Variants in TRIM28 observed in about 807,000 individuals in gnomAD.
TRIM28 encodes tripartite motif containing 28.
A neutral mutation model predicts 87.4 loss-of-function variants in TRIM28; 8 were observed. The observed-to-expected ratio is 0.09, with a 90% CI of 0.05 to 0.17. The LOEUF (loss-of-function observed/expected upper bound fraction) is 0.17, where lower values mean the gene tolerates loss of function less well. TRIM28 is among the 10% of genes least tolerant of loss of function. TRIM28 has a pLI of 1.00. For synonymous variants in TRIM28, 601 were observed against 454.3 expected, an observed-to-expected ratio of 1.32 and a Z score of -4.11; for missense variants, 968 against 1,131.8, an observed-to-expected ratio of 0.86 and a Z score of 2.08.
At chr19:58,546,838 C>T (rs954571273) in intron 3 of TRIM28, among the ~76,000 whole-genome samples, 9 of 152,116 alleles carry the variant, frequency 5.9e-5, no homozygotes, top group South Asian at 2.1e-4. Context: ...GTGTGACCAC[C>T]ATTCTGAGGG....
Position 58,548,603 on chromosome 19 carries a change from G to GA in TRIM28, c.1323+12dup. The GA allele has an allele frequency of 6.2e-7, 1 of 1,603,136 alleles. No individual in the cohort carries two copies. Among genetic ancestry groups the GA allele is most frequent in the Non-Finnish European group, 8.5e-7 (1 of 1,174,058 alleles). On this transcript the variant is annotated intron_variant, in intron 9 of 16. Transcript: ENST00000253024. ...TCTGGCAGCAGCCAGGTGAGCAGGA[G>GA]AGAGGACCCAGGAAGGGGTGGGCAG...
intron 1 of TRIM28, 66 bp from the exon 2 acceptor site, chr19:58,545,359 G>C: frequency 7.6e-7 from 1 of 1,307,252 alleles, no homozygotes; most frequent in Non-Finnish European, 1.1e-6. Flanking sequence ...ACCCAGCAGG[G>C]GAATGGTGGG....
In TRIM28 at chr19:58,547,666, G is replaced by T. The variant is rs1480503872; in HGVS notation, c.792G>T (p.Gly264=). ...KLLASLVKRL[G]DKHATLQKST... ...TGGCCTCACTGGTGAAGCGCCTTGG[G>T]GACAAACATGCAACATTGCAGAAGA... Residue 264 remains glycine (G), a synonymous_variant, in exon 5 of 17, where the codon GGG becomes GGT. Transcript: ENST00000253024. 3.7e-6 allele frequency: 6 copies of T among 1,613,990 alleles called. No individual in the cohort carries two copies. The Admixed American group carries it at 5.0e-5, about 13-fold the overall frequency.
chr19:58,545,609 A>C, intron 2 of TRIM28, 72 bp downstream of exon 2: 2 of 1,490,606 alleles, frequency 1.3e-6, no homozygotes, highest in Non-Finnish European at 1.9e-6. Context: ...GCTTGGCACC[A>C]GCTCCAGGCT....
At chr19:58,550,335 G>A in intron 16 of TRIM28, 42 bp from the exon 17 acceptor site, 1 of 1,613,160 alleles carries the variant, frequency 6.2e-7, no homozygotes, top group Non-Finnish European at 8.5e-7. Flanking sequence ...GTGAAGGAAA[G>A]AACTAGGACC....
chr19:58,546,430 G>C (rs1004323832), intron 3 of TRIM28, among the ~76,000 whole-genome samples: 1 of 152,204 alleles, frequency 6.6e-6, no homozygotes, highest in Admixed American at 6.5e-5. Context: ...AGGAGCTTGA[G>C]AGTCTTTTGA....
In TRIM28 at chr19:58,547,268, A is replaced by G. The variant is rs540633099; in HGVS notation, c.587-108A>G. 16 of 1,425,158 alleles carry G rather than the reference A, an allele frequency of 1.1e-5. No homozygotes were observed. The East Asian group carries it at 3.8e-4, about 34-fold the overall frequency. The allele number at this position is 1,425,158 out of a possible 1,614,324, so 88.3% of individuals were successfully genotyped here. A position where few individuals can be genotyped will look rare whatever the true frequency, so the allele number is the denominator to read the frequency against. The stretch of plus-strand genomic sequence containing the variant: ...CACACCCTCTACATCTTCCCAATAA[A>G]TGGCCCAGTGTCACAGAACAGGCCG... On this transcript the variant is annotated intron_variant, in intron 3 of 16. Coordinates refer to ENST00000253024, the MANE Select transcript of TRIM28 (RefSeq NM_005762.3).
intron 1 of TRIM28, 37 bp from the exon 2 acceptor site, chr19:58,545,388 A>T: frequency 6.5e-7 from 1 of 1,539,078 alleles, no homozygotes; most frequent in Non-Finnish European, 8.9e-7. Context: ...CCTGGGTGGG[A>T]ACTTGTAACA....
intron 15 of TRIM28, 49 bp downstream of exon 15, chr19:58,550,084 C>T (rs958113763): frequency 6.2e-6 from 10 of 1,613,296 alleles, no homozygotes; most frequent in Middle Eastern, 1.6e-4. Context: ...TGCTGGGTCT[C>T]GCCCTCAACC....
At chr19:58,545,371 G>A in intron 1 of TRIM28, 54 bp from the exon 2 acceptor site, 8 of 1,417,412 alleles carry the variant, frequency 5.6e-6, no homozygotes, top group Non-Finnish European at 6.9e-6. Context: ...AATGGTGGGG[G>A]CCATAACCTG....
rs1003200880 is a variant in TRIM28 at position 58,547,443 on chromosome 19, G to T, written c.654G>T (p.Val218=). The T allele has an allele frequency of 6.2e-7, 1 of 1,613,922 alleles. No individual in the cohort carries two copies. Among genetic ancestry groups the T allele is most frequent in the African/African-American group, 1.3e-5 (1 of 74,912 alleles). Reference sequence around the variant, plus strand: ...ACGTACACAAGCATGAACCCCTTGTGCTGTTTTGTGAGAGCTGTGATACTC... The same window carrying T: ...ACGTACACAAGCATGAACCCCTTGTTCTGTTTTGTGAGAGCTGTGATACTC... ...YCNVHKHEPL[V]LFCESCDTLT... Residue 218 remains valine (V), a synonymous_variant, in exon 4 of 17, where the codon GTG becomes GTT. Coordinates refer to ENST00000253024, the MANE Select transcript of TRIM28 (RefSeq NM_005762.3).
rs1274310161 is a variant in TRIM28, at chr19:58,545,727, T to C, written c.454-37T>C. The C allele has an allele frequency of 1.9e-6, 3 of 1,585,830 alleles. No homozygotes were observed. The African/African-American group carries it at 4.0e-5, about 21-fold the overall frequency. ...GGGATGTAAACGTGGATCTATCAAG[T>C]TGTCTTGCCTTCTCTGACCCTGCCT... On this transcript the variant is annotated intron_variant, in intron 2 of 16. Transcript: ENST00000253024.
Position 58,545,033 on chromosome 19 carries a change from A to G in TRIM28, c.276A>G (p.Leu92=). The G allele has an allele frequency of 6.8e-7, 1 of 1,471,636 alleles. No homozygotes were observed. Among genetic ancestry groups the G allele is most frequent in the Admixed American group, 2.9e-5 (1 of 34,204 alleles). 91.2% of individuals were successfully genotyped at this position (1,471,636 alleles called of 1,614,324 possible). ...PCLHSACSAC[L]GPAAPAAANS... ...TGCACTCGGCCTGTAGTGCCTGCTTAGGGCCCGCGGCCCCCGCCGCCGCCA... is the reference window on the plus strand; with the variant it reads ...TGCACTCGGCCTGTAGTGCCTGCTTGGGGCCCGCGGCCCCCGCCGCCGCCA... The change falls in exon 1 of 17, where the codon TTA becomes TTG. Residue 92 remains leucine, a synonymous_variant. Transcript: ENST00000253024.
At chr19:58,546,775 G>C (rs1279946197) in intron 3 of TRIM28, among the ~76,000 whole-genome samples, 1 of 152,100 alleles carries the variant, frequency 6.6e-6, no homozygotes, top group Admixed American at 6.6e-5. Flanking sequence ...GTTATTAATG[G>C]GTTGGTCTTT....
intron 3 of TRIM28, 89 bp from the exon 4 acceptor site, chr19:58,547,287 C>T (rs2053769645): frequency 6.5e-7 from 1 of 1,542,792 alleles, no homozygotes; most frequent in Admixed American, 1.7e-5. Context: ...TGTCACAGAA[C>T]AGGCCGGAAA....
Position 58,547,673 on chromosome 19 carries a change from C to T in TRIM28, c.799C>T (p.His267Tyr). 6.2e-7 allele frequency: 1 copy of T among 1,614,156 alleles called. No individual in the cohort carries two copies. The highest frequency in any genetic ancestry group is 8.5e-7 in the Non-Finnish European group (1 of 1,180,040). ...ASLVKRLGDK[H>Y]ATLQKSTKEV... ...ACTGGTGAAGCGCCTTGGGGACAAA[C>T]ATGCAACATTGCAGAAGAGCACCAA... Residue 267 changes from histidine (H) to tyrosine (Y), a missense_variant, in exon 5 of 17, where the codon CAT becomes TAT. Physicochemically the swap from His to Tyr is moderately conservative, Grantham distance 83 (BLOSUM62 2). Around this residue, in one of 11 missense-constraint regions of TRIM28, gnomAD observed 103 missense variants for 139.0 expected, o/e 0.74. Transcript: ENST00000253024.
chr19:58,549,850 C>A lies in TRIM28; in HGVS notation c.2096C>A (p.Ala699Asp). 6 of 1,612,346 alleles carry A rather than the reference C, an allele frequency of 3.7e-6. No homozygotes were observed. Among genetic ancestry groups the A allele is most frequent in the Non-Finnish European group, 5.1e-6 (6 of 1,178,534 alleles). Residue 699 changes from alanine to aspartate, a missense_variant, in exon 14 of 17, where the codon GCC becomes GAC. Physicochemically the swap from Ala to Asp is moderately radical, Grantham distance 126. Around this residue, in one of 11 missense-constraint regions of TRIM28, gnomAD observed 192 missense variants for 225.6 expected, o/e 0.85. Transcript: ENST00000253024. The surrounding 1 kb of genome is among the most constrained non-coding windows in gnomAD (Gnocchi z 4.4). ...GGCGTGGTGGCCAAGCTCTCACCAGCCAACCAGCGGGTGAGGGCTGGGGTT... is the reference window on the plus strand; with the variant it reads ...GGCGTGGTGGCCAAGCTCTCACCAGACAACCAGCGGGTGAGGGCTGGGGTT... ...STGVVAKLSPANQRKCERVLL... is the reference protein window; with the variant it reads ...STGVVAKLSPDNQRKCERVLL...
At position 58,548,299 on chromosome 19, in the gene TRIM28, C is replaced by T. The variant is rs1212049657; in HGVS notation, c.1107C>T (p.Tyr369=). Reference sequence around the variant, plus strand: ...TCCCTTTCACTCCCAACCAGATCTACTTCCAGCTGCACCGGGCCCTCAAGA... The same window carrying T: ...TCCCTTTCACTCCCAACCAGATCTATTTCCAGCTGCACCGGGCCCTCAAGA... ...TALLLSKKLI[Y]FQLHRALKMI... Residue 369 remains tyrosine, a synonymous_variant, in exon 8 of 17, where the codon TAC becomes TAT. Transcript: ENST00000253024. The T allele has an allele frequency of 1.2e-6, 2 of 1,614,162 alleles. No individual in the cohort carries two copies. The highest frequency in any genetic ancestry group is 1.7e-6 in the Non-Finnish European group (2 of 1,180,026).
chr19:58,549,625 C>G lies in TRIM28; in HGVS notation c.1957C>G (p.Leu653Val), dbSNP rs754049875. 14 of 1,613,056 alleles carry G rather than the reference C, an allele frequency of 8.7e-6. No homozygotes were observed. Among genetic ancestry groups the G allele is most frequent in the Admixed American group, 1.7e-5 (1 of 59,980 alleles). Reference sequence around the variant, plus strand: ...GTTTTGTTTCCACCTGGACTGTCACCTGCCGGCCCTGCAGGATGTACCAGG... The same window carrying G: ...GTTTTGTTTCCACCTGGACTGTCACGTGCCGGCCCTGCAGGATGTACCAGG... ...CEFCFHLDCH[L>V]PALQDVPGEE... Residue 653 changes from leucine (L) to valine (V), a missense_variant, in exon 13 of 17, where the codon CTG becomes GTG. Coordinates refer to ENST00000253024, the MANE Select transcript of TRIM28 (RefSeq NM_005762.3). The surrounding 1 kb of genome is among the most constrained non-coding windows in gnomAD (Gnocchi z 4.4).
Sources: gnomAD v4.1 joint callset for allele counts (sites outside exome capture counted in the v4.1 genomes callset) on GRCh38, gnomAD v4.1.1 for gene constraint, gnomAD v4.1.1 regional missense constraint, Gnocchi (gnomAD v3.1) non-coding constraint, MANE v1.5 for transcripts, NCBI Gene and HGNC (gene_info 2026-07-23, HGNC 2026-07-21) for gene names.